The following GDPD1 variants were observed in gnomAD, a reference collection of about 807,000 sequenced individuals.
GDPD1 encodes the protein lysophospholipase D GDPD1.
In GDPD1, 28 loss-of-function variants were observed where a neutral mutation model predicts 45.1. The observed-to-expected ratio is 0.62, with a 90% CI of 0.46 to 0.85. GDPD1 has a LOEUF of 0.85. GDPD1 is among the 40% of genes least tolerant of loss of function. GDPD1 has a pLI of 0.00. For synonymous variants in GDPD1, 139 were observed against 131.4 expected (o/e 1.06, Z -0.40); for missense variants, 256 against 364.8 (o/e 0.70, Z 2.43).
rs190558114 is a variant in GDPD1 at position 59,260,564 on chromosome 17, A to T, written c.576+2724A>T. On this transcript the variant is annotated intron_variant, in intron 6 of 9. Coordinates refer to ENST00000284116, the MANE Select transcript of GDPD1 (RefSeq NM_182569.4). ...TAAAAAAAAAAGTGTATAAAAATTAATTTTATATGCTTTAAAATGATAGTT... is the reference window on the plus strand; with the variant it reads ...TAAAAAAAAAAGTGTATAAAAATTATTTTTATATGCTTTAAAATGATAGTT... Among the ~76,000 whole-genome samples the T allele has an allele frequency of 8.5e-4, 130 of 152,212 alleles. 1 individual carries two copies. The highest frequency in any genetic ancestry group is 3.0e-3 in the African/African-American group (125 of 41,548).
At chr17:59,255,831 G>GTA (rs369473417) in intron 4 of GDPD1, among the ~76,000 whole-genome samples, 732 of 62,942 alleles carry the variant, frequency 0.012, 36 homozygotes, top group East Asian at 0.029. Flanking sequence ...ATATATACGC[G>GTA]TATATATATA....
At chr17:59,270,782 A>C (rs1276192495) in intron 7 of GDPD1, among the ~76,000 whole-genome samples, 154 bp from the exon 8 acceptor site, 2 of 152,074 alleles carry the variant, frequency 1.3e-5, no homozygotes, top group Non-Finnish European at 2.9e-5. Flanking sequence ...ACAGAACCCA[A>C]CTGGCCTTTA....
chr17:59,259,134 T>TA (rs1160741376), intron 6 of GDPD1, among the ~76,000 whole-genome samples: 56 of 141,222 alleles, frequency 4.0e-4, no homozygotes, highest in Middle Eastern at 3.6e-3. Context: ...CTAACTCTAT[T>TA]AAAAAAAAAA....
intron 3 of GDPD1, among the ~76,000 whole-genome samples, chr17:59,247,059 C>T (rs975777527): frequency 2.0e-5 from 3 of 152,032 alleles, no homozygotes; most frequent in Non-Finnish European, 2.9e-5. Context: ...TGAGCCACCA[C>T]GCCCAGCCTT....
chr17:59,235,989 C>A (rs1306913829), intron 2 of GDPD1, among the ~76,000 whole-genome samples: 1 of 152,060 alleles, frequency 6.6e-6, no homozygotes, highest in Admixed American at 6.6e-5. Context: ...CATATACACA[C>A]ACTATCATAT....
rs776763199 is a variant in GDPD1 at position 59,267,031 on chromosome 17, T to C, written c.577-10T>C. The C allele has an allele frequency of 1.2e-6, 2 of 1,601,682 alleles. No homozygotes were observed. Among genetic ancestry groups the C allele is most frequent in the South Asian group, 1.1e-5 (1 of 89,084 alleles). On this transcript the variant is annotated splice_polypyrimidine_tract_variant and intron_variant, in intron 6 of 9. Transcript: ENST00000284116. Reference sequence around the variant, plus strand: ...TAAAAATAACATGTAATATTGCTTGTGTCTTTTAGAATTCAGATATTCCTA... The same window carrying C: ...TAAAAATAACATGTAATATTGCTTGCGTCTTTTAGAATTCAGATATTCCTA...
intron 6 of GDPD1, among the ~76,000 whole-genome samples, chr17:59,259,616 G>A (rs1393014535): frequency 1.3e-5 from 2 of 149,000 alleles, no homozygotes; most frequent in Non-Finnish European, 3.0e-5. Context: ...AGGCGTGGTG[G>A]CGTGCTCCTG....
At chr17:59,271,095 A>ACAAATT in intron 8 of GDPD1, 100 bp downstream of exon 8, 2 of 702,970 alleles carry the variant, frequency 2.8e-6, no homozygotes, top group Non-Finnish European at 4.9e-6. Flanking sequence ...TGTAATTTGT[A>ACAAATT]ACAAGGACAA....
intron 1 of GDPD1, among the ~76,000 whole-genome samples, chr17:59,233,710 T>C (rs1314975197): frequency 6.6e-6 from 1 of 152,130 alleles, no homozygotes; most frequent in South Asian, 2.1e-4. Flanking sequence ...TAAGTACTTA[T>C]GTATGAATAA....
chr17:59,250,009 A>G (rs1038659249), intron 4 of GDPD1, among the ~76,000 whole-genome samples: 5 of 151,788 alleles, frequency 3.3e-5, no homozygotes, highest in Non-Finnish European at 7.4e-5. Flanking sequence ...ACATAGCAAG[A>G]CCCTGTCTCT....
intron 2 of GDPD1, 83 bp downstream of exon 2, chr17:59,234,617 G>C: frequency 1.1e-6 from 1 of 906,958 alleles, no homozygotes. Context: ...TCCACAAAGT[G>C]AGGATAGTGT....
At chr17:59,257,038 A>C in intron 4 of GDPD1, 84 bp from the exon 5 acceptor site, 1 of 592,968 alleles carries the variant, frequency 1.7e-6, no homozygotes, top group Non-Finnish European at 2.9e-6. Context: ...AATGTCCTTT[A>C]ATGAATATAT....
At chr17:59,248,903 A>G (rs1487076659) in intron 4 of GDPD1, 118 bp downstream of exon 4, 1 of 651,844 alleles carries the variant, frequency 1.5e-6, no homozygotes, top group Non-Finnish European at 2.7e-6. Context: ...TCAGGCCTAC[A>G]AATCTGAATA....
intron 4 of GDPD1, among the ~76,000 whole-genome samples, chr17:59,255,189 C>T (rs1194054617): frequency 1.3e-5 from 2 of 151,972 alleles, no homozygotes; most frequent in Admixed American, 6.6e-5. Flanking sequence ...GGATTTTCAC[C>T]ATTTTGTTAT....
Position 59,228,287 on chromosome 17 carries a change from TA to T in GDPD1, c.143-6202del, listed in dbSNP as rs1339923198. 3.3e-5 allele frequency among the ~76,000 whole-genome samples: 5 copies of T among 152,218 alleles called. No individual in the cohort carries two copies. The South Asian group carries it at 1.0e-3, about 32-fold the overall frequency. On this transcript the variant is annotated intron_variant, in intron 1 of 9. Transcript: ENST00000284116. ...AGCTTTTCTAAGGTCACACAATTAT[TA>T]AACAGATTGGAGACCAAGCATCCTA...
At chr17:59,264,451 G>A (rs1294826768) in intron 6 of GDPD1, among the ~76,000 whole-genome samples, 12 of 151,998 alleles carry the variant, frequency 7.9e-5, no homozygotes, top group Admixed American at 3.9e-4. Flanking sequence ...CTGCCATCAC[G>A]CCTGGCTAAT....
In GDPD1 at chr17:59,257,835, A is replaced by G. The variant is rs775735596; in HGVS notation, c.571A>G (p.Lys191Glu). Residue 191 changes from lysine to glutamate, a missense_variant, in exon 6 of 10, where the codon AAA becomes GAA. Lys to Glu is a moderately conservative substitution (Grantham distance 56). Coordinates refer to ENST00000284116, the MANE Select transcript of GDPD1 (RefSeq NM_182569.4). ...TTATGAAATTGTAGAAAAGTGCTAC[A>G]AAGAGGTAAGCTTCAAAAATGATAC... ...ANYEIVEKCYKENSDIPILFS... is the reference protein window; with the variant it reads ...ANYEIVEKCYEENSDIPILFS... 3 of 1,584,536 alleles carry G rather than the reference A, an allele frequency of 1.9e-6. No individual in the cohort carries two copies. The highest frequency in any genetic ancestry group is 2.7e-5 in the African/African-American group (2 of 74,124).
chr17:59,264,799 A>T (rs536668911), intron 6 of GDPD1, among the ~76,000 whole-genome samples: 18 of 152,168 alleles, frequency 1.2e-4, no homozygotes, highest in East Asian at 3.9e-4. Context: ...TCTATTTTTT[A>T]AAAAAATAAA....
intron 4 of GDPD1, among the ~76,000 whole-genome samples, 184 bp from the exon 5 acceptor site, chr17:59,256,938 G>A (rs1276652563): frequency 2.0e-5 from 3 of 152,144 alleles, no homozygotes; most frequent in Non-Finnish European, 2.9e-5. Flanking sequence ...AAAAAGAGTA[G>A]AGAAAGTACA....
Sources: gnomAD v4.1 joint callset for allele counts (sites outside exome capture counted in the v4.1 genomes callset) on GRCh38, gnomAD v4.1.1 for gene constraint, MANE v1.5 for transcripts, NCBI Gene and HGNC (gene_info 2026-07-23, HGNC 2026-07-21) for gene names.